PITPNM3: variants seen among roughly 807,000 people sequenced by gnomAD.
PITPNM3 encodes PITPNM family member 3.
A neutral mutation model predicts 102.0 loss-of-function variants in PITPNM3; 26 were observed. That is an observed-to-expected ratio of 0.25 (90% CI 0.19 to 0.35). The LOEUF (loss-of-function observed/expected upper bound fraction) is 0.35. Ranked by LOEUF, PITPNM3 falls within the 10% of genes least tolerant of loss-of-function variation. The probability of loss-of-function intolerance (pLI) is 1.00; values close to 1 mark genes in which losing one functional copy is unlikely to be tolerated. For synonymous variants in PITPNM3, 578 were observed against 558.6 expected, an observed-to-expected ratio of 1.03 and a Z score of -0.49; for missense variants, 1,083 against 1,346.1, an observed-to-expected ratio of 0.80 and a Z score of 3.06.
In PITPNM3 at chr17:6,456,391, C is replaced by T. The variant is rs993700148; in HGVS notation, c.2620-748G>A. Among the ~76,000 whole-genome samples, 12 of 152,162 alleles carry T rather than the reference C, an allele frequency of 7.9e-5. No homozygotes were observed. The East Asian group carries it at 2.1e-3, about 27-fold the overall frequency. ...GAATCCTGCAAAGTCCCTCCCGTCA[C>T]GCAGCCTCACCATGCCTCTTGTCAT... On this transcript the variant is annotated intron_variant, in intron 19 of 19. Transcript: ENST00000262483.
Position 6,537,897 on chromosome 17 carries a change from G to C in PITPNM3, c.118+90C>G, listed in dbSNP as rs1210746200. 1 of 1,061,338 alleles carries C rather than the reference G, an allele frequency of 9.4e-7. No individual in the cohort carries two copies. Among genetic ancestry groups the C allele is most frequent in the African/African-American group, 1.6e-5 (1 of 63,752 alleles). 65.7% of individuals were successfully genotyped at this position (1,061,338 alleles called of 1,614,324 possible). On this transcript the variant is annotated intron_variant, in intron 2 of 19. Coordinates refer to ENST00000262483, the MANE Select transcript of PITPNM3 (RefSeq NM_031220.4). This position sits in a 1 kb window ranked among gnomAD's most constrained non-coding sequence, Gnocchi z 4.4. ...GAGCTGCAGATACCACGTCTGAGTG[G>C]GGAGGGATGCGGACCCCCAAATGGG...
rs988647501 is a variant in PITPNM3, at chr17:6,452,323, T to C, written c.*3015A>G. The C allele has an allele frequency of 2.6e-5, 4 of 151,944 alleles. No individual in the cohort carries two copies. Among genetic ancestry groups the C allele is most frequent in the African/African-American group, 9.7e-5 (4 of 41,350 alleles). The allele number at this position is 151,944 out of a possible 1,614,324, so 9.4% of individuals were successfully genotyped here. On this transcript the variant is annotated 3_prime_UTR_variant, in exon 20 of 20. Coordinates refer to ENST00000262483, the MANE Select transcript of PITPNM3 (RefSeq NM_031220.4). Reference sequence around the variant, plus strand: ...GCACCCTGAACCCCAACAGGGCAAATGATAAAGGAAGGTGGCAGGCAGGCC... The same window carrying C: ...GCACCCTGAACCCCAACAGGGCAAACGATAAAGGAAGGTGGCAGGCAGGCC...
At chr17:6,507,437 A>T (rs1907595293) in intron 3 of PITPNM3, among the ~76,000 whole-genome samples, 2 of 152,230 alleles carry the variant, frequency 1.3e-5, no homozygotes, top group Admixed American at 1.3e-4. Flanking sequence ...TACAAAAATT[A>T]GCTGGGCGTG....
rs1022020232 is a variant in PITPNM3, at chr17:6,469,744, C to T, written c.1773+516G>A. ...AGGGTTTCCTTCAAAAAACACAAGC[C>T]AGTTGCTATTTCTTCCTTGCTCACA... On this transcript the variant is annotated intron_variant, in intron 13 of 19. Coordinates refer to ENST00000262483, the MANE Select transcript of PITPNM3 (RefSeq NM_031220.4). The surrounding 1 kb of genome is among the most constrained non-coding windows in gnomAD (Gnocchi z 4.0). Among the ~76,000 whole-genome samples, 4 of 152,172 alleles carry T rather than the reference C, an allele frequency of 2.6e-5. No homozygotes were observed. The highest frequency in any genetic ancestry group is 9.7e-5 in the African/African-American group (4 of 41,438).
At chr17:6,496,508 G>A (rs1906832493) in intron 4 of PITPNM3, among the ~76,000 whole-genome samples, 2 of 152,176 alleles carry the variant, frequency 1.3e-5, no homozygotes, top group Middle Eastern at 3.4e-3. Context: ...CTTCCTTCCG[G>A]GGGCCTTCCA....
At chr17:6,539,001 C>G (rs1909593730) in intron 1 of PITPNM3, among the ~76,000 whole-genome samples, 3 of 151,814 alleles carry the variant, frequency 2.0e-5, no homozygotes, top group Admixed American at 2.0e-4. Flanking sequence ...GGGAGACGGT[C>G]AGCCCAGGCC....
Position 6,455,122 on chromosome 17 carries a change from T to C in PITPNM3, c.*216A>G. ...GTCGCAGGCCCGTGGGAGGCAGCAG[T>C]GGCTGCACCGAGATCCCCGGACCTC... On this transcript the variant is annotated 3_prime_UTR_variant, in exon 20 of 20. Transcript: ENST00000262483. 1.7e-6 allele frequency: 1 copy of C among 591,722 alleles called. No individual in the cohort carries two copies. The highest frequency in any genetic ancestry group is 2.8e-6 in the Non-Finnish European group (1 of 354,140). The allele number at this position is 591,722 out of a possible 1,614,324, so 36.7% of individuals were successfully genotyped here.
At chr17:6,535,562 G>A (rs117682319) in intron 2 of PITPNM3, among the ~76,000 whole-genome samples, 1,859 of 152,176 alleles carry the variant, frequency 0.012, 14 homozygotes, top group Non-Finnish European at 0.014. Context: ...CCTGTAGGGT[G>A]TGTGGAGAGG....
chr17:6,523,417 C>T (rs1908652809), intron 3 of PITPNM3, among the ~76,000 whole-genome samples: 1 of 152,218 alleles, frequency 6.6e-6, no homozygotes, highest in African/African-American at 2.4e-5. Context: ...GCCTCTCTGA[C>T]TCCAGCACTG....
At position 6,452,251 on chromosome 17, in the gene PITPNM3, T is replaced by C. The variant is rs958786326; in HGVS notation, c.*3087A>G. Reference sequence around the variant, plus strand: ...AGCCCAAGGGAGCCGTTGAGATCTTTAGGAAAAAACCCATGATGCTGGAAG... The same window carrying C: ...AGCCCAAGGGAGCCGTTGAGATCTTCAGGAAAAAACCCATGATGCTGGAAG... On this transcript the variant is annotated 3_prime_UTR_variant, in exon 20 of 20. Coordinates refer to ENST00000262483, the MANE Select transcript of PITPNM3 (RefSeq NM_031220.4). 2.0e-5 allele frequency: 3 copies of C among 152,092 alleles called. No homozygotes were observed. Among genetic ancestry groups the C allele is most frequent in the Admixed American group, 2.0e-4 (3 of 15,274 alleles). 9.4% of individuals were successfully genotyped at this position (152,092 alleles called of 1,614,324 possible).
In PITPNM3 at chr17:6,505,195, AAT is replaced by A. The variant is rs55839764; in HGVS notation, c.227-1623_227-1622del. On this transcript the variant is annotated intron_variant, in intron 3 of 19. Coordinates refer to ENST00000262483, the MANE Select transcript of PITPNM3 (RefSeq NM_031220.4). The stretch of plus-strand genomic sequence containing the variant: ...CGTCTCCAAAAAAGAAGACAAATAA[AAT>A]ATATATATATATATATATGTAAAGC... 2.7e-4 allele frequency among the ~76,000 whole-genome samples: 37 copies of A among 136,276 alleles called. 2 individuals are homozygous for A. The highest frequency in any genetic ancestry group is 3.7e-3 in the Middle Eastern group (1 of 272). The allele number at this position is 136,276 out of a possible 152,430, so 89.4% of individuals were successfully genotyped here.
At position 6,477,012 on chromosome 17, in the gene PITPNM3, G is replaced by A; in HGVS notation, c.1085+17C>T. The A allele has an allele frequency of 1.9e-6, 3 of 1,613,508 alleles. No individual in the cohort carries two copies. Among genetic ancestry groups the A allele is most frequent in the Non-Finnish European group, 2.5e-6 (3 of 1,179,790 alleles). On this transcript the variant is annotated intron_variant, in intron 9 of 19. Coordinates refer to ENST00000262483, the MANE Select transcript of PITPNM3 (RefSeq NM_031220.4). ...TCTGAGCCAAGGTCTTCTTGCTTCT[G>A]GACAGGGAGGGGCTACCTTGAGAGG...
At chr17:6,552,593 T>G (rs544309666) in intron 1 of PITPNM3, among the ~76,000 whole-genome samples, 1 of 152,182 alleles carries the variant, frequency 6.6e-6, no homozygotes, top group Admixed American at 6.5e-5. Flanking sequence ...TCTGCATTCT[T>G]CCGCTCCAGC....
chr17:6,510,902 C>T (rs370820108), intron 3 of PITPNM3, among the ~76,000 whole-genome samples: 24 of 152,326 alleles, frequency 1.6e-4, no homozygotes, highest in African/African-American at 4.6e-4. Context: ...AGGAAGCTGA[C>T]GAGCTCCGCA....
chr17:6,551,735 A>T lies in PITPNM3; in HGVS notation c.22+4650T>A, dbSNP rs543224487. ...TTATGAAAAAAAAAGTATTAAAAAA[A>T]TTTTTTTTTTTTTAATCTGCGCTAG... is the stretch of plus-strand genomic sequence containing the variant. On this transcript the variant is annotated intron_variant, in intron 1 of 19. Transcript: ENST00000262483. Among the ~76,000 whole-genome samples, 503 of 149,602 alleles carry T rather than the reference A, an allele frequency of 3.4e-3. 2 individuals carry two copies. The highest frequency in any genetic ancestry group is 0.01 in the African/African-American group (405 of 40,332).
intron 3 of PITPNM3, among the ~76,000 whole-genome samples, chr17:6,508,349 C>T (rs1907668228): frequency 1.3e-5 from 2 of 152,240 alleles, no homozygotes; most frequent in African/African-American, 4.8e-5. Flanking sequence ...TCGTTGGCTT[C>T]CATGCCTATG....
chr17:6,538,009 A>G lies in PITPNM3; in HGVS notation c.96T>C (p.Asp32=). The G allele has an allele frequency of 6.2e-7, 1 of 1,613,742 alleles. No homozygotes were observed. Among genetic ancestry groups the G allele is most frequent in the Non-Finnish European group, 8.5e-7 (1 of 1,179,720 alleles). ...NVLSDSVESS[D]DEFFDAREEM... Reference sequence around the variant, plus strand: ...CACCTCTGGCATCAAAGAATTCATCATCTGAGCTCTCCACAGAGTCACTGA... The same window carrying G: ...CACCTCTGGCATCAAAGAATTCATCGTCTGAGCTCTCCACAGAGTCACTGA... The change falls in exon 2 of 20, where the codon GAT becomes GAC. Residue 32 remains aspartate (D), a synonymous_variant. Transcript: ENST00000262483.
chr17:6,487,424 G>C (rs1398510784), intron 4 of PITPNM3, among the ~76,000 whole-genome samples: 2 of 152,120 alleles, frequency 1.3e-5, no homozygotes, highest in African/African-American at 4.8e-5. Context: ...CCAGGGCACA[G>C]AGCCAGGACC....
intron 9 of PITPNM3, among the ~76,000 whole-genome samples, 171 bp downstream of exon 9, chr17:6,476,858 A>T (rs576112156): frequency 9.2e-5 from 14 of 152,306 alleles, no homozygotes; most frequent in Non-Finnish European, 1.8e-4. Flanking sequence ...AGGGCTGCCG[A>T]CGAGTGGCTG....
Sources: allele counts gnomAD v4.1 joint callset (sites outside exome capture counted in the v4.1 genomes callset), GRCh38; gene constraint gnomAD v4.1.1; non-coding constraint Gnocchi (gnomAD v3.1); transcripts MANE v1.5; gene names NCBI Gene and HGNC (gene_info 2026-07-23, HGNC 2026-07-21).